Variants in STK32B observed in about 807,000 individuals in gnomAD.
STK32B encodes serine/threonine kinase 32B, also known as serine/threonine-protein kinase 32B.
In STK32B, 43 loss-of-function variants were observed where a neutral mutation model predicts 52.6. The ratio of observed to expected loss-of-function variants is 0.82; its 90% CI spans 0.64 to 1.05. The LOEUF is 1.05. Among genes scored for constraint, STK32B ranks in the 50% least tolerant of loss-of-function variants. The pLI is 0.00. For missense variants in STK32B, 621 were observed against 534.6 expected (o/e 1.16, Z -1.59); for synonymous variants, 238 against 204.3 (o/e 1.17, Z -1.41).
intron 3 of STK32B, among the ~76,000 whole-genome samples, chr4:5,317,632 G>A (rs1373665514): frequency 4.8e-5 from 7 of 144,996 alleles, no homozygotes; most frequent in Non-Finnish European, 7.4e-5. Context: ...CTCATGCCCT[G>A]GACCAGGCCC....
At chr4:5,075,297 A>G (rs1712012661) in intron 1 of STK32B, among the ~76,000 whole-genome samples, 2 of 152,196 alleles carry the variant, frequency 1.3e-5, no homozygotes, top group Admixed American at 6.6e-5. Flanking sequence ...CTCTTCAAAA[A>G]CATTTCAACA....
intron 1 of STK32B, among the ~76,000 whole-genome samples, chr4:5,076,533 A>T (rs146060019): frequency 3.3e-5 from 5 of 152,266 alleles, no homozygotes; most frequent in African/African-American, 1.2e-4. Flanking sequence ...TCTGAATCAC[A>T]ATTTGTTGCC....
At chr4:5,140,876 G>T (rs528171797) in intron 2 of STK32B, among the ~76,000 whole-genome samples, 1 of 152,304 alleles carries the variant, frequency 6.6e-6, no homozygotes, top group African/African-American at 2.4e-5. Context: ...ACAGATCCAA[G>T]TGTCTTTTCT....
intron 3 of STK32B, among the ~76,000 whole-genome samples, chr4:5,295,410 T>G (rs1317412660): frequency 1.3e-5 from 2 of 151,506 alleles, no homozygotes; most frequent in Non-Finnish European, 3.0e-5. Context: ...TCCTGGACAT[T>G]TTTTGGTTGG....
chr4:5,331,730 G>A (rs1732264324), intron 4 of STK32B, among the ~76,000 whole-genome samples: 1 of 152,058 alleles, frequency 6.6e-6, no homozygotes, highest in East Asian at 1.9e-4. Flanking sequence ...CTAGTGAGCT[G>A]GGAGTGTGAG....
chr4:5,078,560 G>A (rs1273248536), intron 1 of STK32B, among the ~76,000 whole-genome samples: 1 of 152,166 alleles, frequency 6.6e-6, no homozygotes, highest in Non-Finnish European at 1.5e-5. Context: ...ATTCAACTAC[G>A]TCCGAACCTG....
At chr4:5,441,391 G>C (rs994982342) in intron 6 of STK32B, among the ~76,000 whole-genome samples, 1 of 150,502 alleles carries the variant, frequency 6.6e-6, no homozygotes, top group Non-Finnish European at 1.5e-5. Flanking sequence ...GTTTATTTGC[G>C]TAGAGGTGTT....
intron 7 of STK32B, among the ~76,000 whole-genome samples, chr4:5,449,747 C>G (rs1443027725): frequency 6.6e-6 from 1 of 152,140 alleles, no homozygotes; most frequent in Non-Finnish European, 1.5e-5. Flanking sequence ...GCATTAGACT[C>G]TCATGGGAGT....
intron 3 of STK32B, among the ~76,000 whole-genome samples, chr4:5,169,234 T>C (rs16836772): frequency 0.034 from 5,246 of 152,264 alleles, 113 homozygotes; most frequent in Admixed American, 0.051. Context: ...GGGTTACTTA[T>C]CTGTCCTCAC....
chr4:5,356,839 ATACAAAAAAT>A (rs1734200760), intron 4 of STK32B, among the ~76,000 whole-genome samples: 1 of 152,090 alleles, frequency 6.6e-6, no homozygotes, highest in African/African-American at 2.4e-5. Context: ...TCCACTGAAA[ATACAAAAAAT>A]TAGCCAGACG....
At chr4:5,249,178 C>T (rs953404817) in intron 3 of STK32B, among the ~76,000 whole-genome samples, 1 of 152,148 alleles carries the variant, frequency 6.6e-6, no homozygotes, top group East Asian at 1.9e-4. Flanking sequence ...TACAGGCAAG[C>T]ATTTTACTGA....
chr4:5,046,040 G>A, the STK32B span, among the ~76,000 whole-genome samples: 1 of 152,080 alleles, frequency 6.6e-6, no homozygotes, highest in Non-Finnish European at 1.5e-5. Context: ...CATCAAAGAA[G>A]ACCCTGTATG....
chr4:5,428,169 A>T (rs1713254073), intron 6 of STK32B, among the ~76,000 whole-genome samples: 1 of 152,046 alleles, frequency 6.6e-6, no homozygotes, highest in Non-Finnish European at 1.5e-5. Context: ...GCAGTTTGGG[A>T]GGCCGACGCG....
At chr4:5,146,373 A>C (rs941921846) in intron 2 of STK32B, among the ~76,000 whole-genome samples, 1 of 152,248 alleles carries the variant, frequency 6.6e-6, no homozygotes, top group African/African-American at 2.4e-5. Flanking sequence ...TAAGTCCAAG[A>C]ATCCAAAAGC....
the STK32B span, among the ~76,000 whole-genome samples, chr4:5,040,332 G>T: frequency 2.0e-5 from 3 of 151,602 alleles, no homozygotes; most frequent in South Asian, 4.2e-4. Context: ...GGAAAATGAG[G>T]CCTATAGAAG....
chr4:5,151,790 T>C (rs1717387848), intron 2 of STK32B, among the ~76,000 whole-genome samples: 1 of 152,168 alleles, frequency 6.6e-6, no homozygotes, highest in African/African-American at 2.4e-5. Context: ...TTCTCATCTG[T>C]AAAATGGAAA....
In STK32B at chr4:5,099,559, A is replaced by G. The variant is rs556692321; in HGVS notation, c.53-40346A>G. ...AGTTAGGGGAAGGTCATGGAAGAAG[A>G]TTGCTTCAAATTTTCAGTGGTGGAA... On this transcript the variant is annotated intron_variant, in intron 1 of 11. Coordinates refer to ENST00000282908, the MANE Select transcript of STK32B (RefSeq NM_018401.3). Among the ~76,000 whole-genome samples, 3 of 152,236 alleles carry G rather than the reference A, an allele frequency of 2.0e-5. No individual in the cohort carries two copies. The South Asian group carries it at 6.2e-4, about 32-fold the overall frequency.
At chr4:5,112,557 G>T (rs1470260801) in intron 1 of STK32B, among the ~76,000 whole-genome samples, 9 of 152,180 alleles carry the variant, frequency 5.9e-5, no homozygotes, top group Non-Finnish European at 1.2e-4. Context: ...ACCTTTAGCT[G>T]ATTGGAAGAG....
intron 11 of STK32B, among the ~76,000 whole-genome samples, chr4:5,481,987 G>A (rs902042847): frequency 1.3e-5 from 2 of 152,198 alleles, no homozygotes; most frequent in African/African-American, 4.8e-5. Context: ...GGTTACTGTA[G>A]TCTTGTAGTA....
Sources: allele counts gnomAD v4.1 joint callset (sites outside exome capture counted in the v4.1 genomes callset), GRCh38; gene constraint gnomAD v4.1.1; transcripts MANE v1.5; gene names NCBI Gene and HGNC (gene_info 2026-07-23, HGNC 2026-07-21).